Variants in PPARGC1A observed in about 807,000 individuals in gnomAD.
The protein encoded by PPARGC1A is peroxisome proliferator-activated receptor gamma coactivator 1-alpha.
PPARGC1A carries 25 observed loss-of-function variants against 88.7 expected under a neutral mutation model. The ratio of observed to expected loss-of-function variants is 0.28; its 90% CI spans 0.21 to 0.39. The LOEUF (loss-of-function observed/expected upper bound fraction) is 0.39, where lower values mean the gene tolerates loss of function less well. Ranked by LOEUF, PPARGC1A falls within the 10% of genes least tolerant of loss-of-function variation. The pLI is 1.00. For synonymous variants in PPARGC1A, 363 were observed against 355.6 expected (o/e 1.02, Z -0.24); for missense variants, 880 against 968.7 (o/e 0.91, Z 1.22).
the PPARGC1A span, among the ~76,000 whole-genome samples, chr4:24,225,712 T>C: frequency 6.6e-6 from 1 of 151,934 alleles, no homozygotes; most frequent in East Asian, 1.9e-4. Context: ...AAATGGAAAA[T>C]GGAGCTTCTA....
At chr4:23,895,870 T>C (rs1420394008) in intron 1 of PPARGC1A, among the ~76,000 whole-genome samples, 2 of 151,904 alleles carry the variant, frequency 1.3e-5, no homozygotes, top group Non-Finnish European at 2.9e-5. Context: ...ATTATTTGCA[T>C]TATTGAAAAC....
the PPARGC1A span, among the ~76,000 whole-genome samples, chr4:24,459,511 C>T: frequency 6.6e-6 from 1 of 151,482 alleles, no homozygotes; most frequent in Admixed American, 6.6e-5. Flanking sequence ...AAAAACTGGG[C>T]CAGGTGCAGT....
At chr4:24,409,765 T>C in the PPARGC1A span, among the ~76,000 whole-genome samples, 1 of 152,130 alleles carries the variant, frequency 6.6e-6, no homozygotes, top group African/African-American at 2.4e-5. Flanking sequence ...TGAGAAGATA[T>C]TTGCTCACCA....
chr4:24,387,793 A>G, the PPARGC1A span, among the ~76,000 whole-genome samples: 3 of 110,016 alleles, frequency 2.7e-5, no homozygotes, highest in Non-Finnish European at 4.1e-5. Context: ...AGAAAGAAAG[A>G]AAGAAAGAAA....
At chr4:23,812,372 C>T (rs1464729754) in intron 10 of PPARGC1A, among the ~76,000 whole-genome samples, 1 of 152,070 alleles carries the variant, frequency 6.6e-6, no homozygotes, top group African/African-American at 2.4e-5. Flanking sequence ...GATAGCAATC[C>T]CTCCTCATTT....
At chr4:23,932,282 A>ACTAGTTCCTCGC in the PPARGC1A span, among the ~76,000 whole-genome samples, 1 of 151,090 alleles carries the variant, frequency 6.6e-6, no homozygotes, top group Non-Finnish European at 1.5e-5. Flanking sequence ...AGTGGGACTA[A>ACTAGTTCCTCGC]TTAGTTCCTC....
chr4:23,835,913 C>T (rs542277758), intron 2 of PPARGC1A, among the ~76,000 whole-genome samples: 1 of 152,204 alleles, frequency 6.6e-6, no homozygotes, highest in African/African-American at 2.4e-5. Flanking sequence ...ATTAATGTCA[C>T]TTCCCATTAT....
chr4:24,092,806 A>G, the PPARGC1A span, among the ~76,000 whole-genome samples: 1 of 152,188 alleles, frequency 6.6e-6, no homozygotes, highest in African/African-American at 2.4e-5. Context: ...TTCCAGATTA[A>G]ATATTGTTAG....
the PPARGC1A span, among the ~76,000 whole-genome samples, chr4:24,270,948 A>C: frequency 1.1e-3 from 170 of 152,328 alleles, 5 homozygotes; most frequent in Admixed American, 0.01. Context: ...TCAAATACAC[A>C]GTATAATCAT....
the PPARGC1A span, among the ~76,000 whole-genome samples, chr4:24,307,938 C>G: frequency 5.3e-5 from 8 of 152,174 alleles, no homozygotes; most frequent in Non-Finnish European, 8.8e-5. Flanking sequence ...GCCTAAACTC[C>G]TGCCTTTCCC....
At chr4:23,796,223 T>C (rs1216409401) in intron 12 of PPARGC1A, among the ~76,000 whole-genome samples, 2 of 152,064 alleles carry the variant, frequency 1.3e-5, no homozygotes, top group Non-Finnish European at 2.9e-5. Context: ...ACACGTCAAA[T>C]GACTTGCCCA....
chr4:23,953,466 CA>C, the PPARGC1A span, among the ~76,000 whole-genome samples: 1 of 152,040 alleles, frequency 6.6e-6, no homozygotes, highest in Non-Finnish European at 1.5e-5. Context: ...TTGGTTTAAC[CA>C]TACAGGATGC....
the PPARGC1A span, among the ~76,000 whole-genome samples, chr4:24,097,968 T>A: frequency 6.6e-6 from 1 of 152,232 alleles, no homozygotes; most frequent in African/African-American, 2.4e-5. Flanking sequence ...TTTGTCCCGG[T>A]CCTGTTATTG....
the PPARGC1A span, among the ~76,000 whole-genome samples, chr4:24,320,138 T>C: frequency 1.3e-5 from 2 of 152,232 alleles, no homozygotes; most frequent in African/African-American, 4.8e-5. Context: ...AATTTCTAAC[T>C]AGTAGATTTC....
chr4:24,093,457 C>T, the PPARGC1A span, among the ~76,000 whole-genome samples: 1 of 152,162 alleles, frequency 6.6e-6, no homozygotes, highest in African/African-American at 2.4e-5. Flanking sequence ...GTAAAACAGA[C>T]ACATGCAAAA....
chr4:24,058,158 C>CG, the PPARGC1A span, among the ~76,000 whole-genome samples: 1 of 152,170 alleles, frequency 6.6e-6, no homozygotes, highest in Admixed American at 6.5e-5. Flanking sequence ...GCCTGGGGGC[C>CG]GGCCCATCGC....
chr4:24,001,794 C>A, the PPARGC1A span, among the ~76,000 whole-genome samples: 1 of 152,108 alleles, frequency 6.6e-6, no homozygotes, highest in Admixed American at 6.5e-5. Flanking sequence ...TGTGACAACA[C>A]AAGGAAAGCT....
At chr4:24,446,591 ATTT>A in the PPARGC1A span, among the ~76,000 whole-genome samples, 15 of 134,864 alleles carry the variant, frequency 1.1e-4, no homozygotes, top group South Asian at 4.9e-4. Context: ...AAAACACTGA[ATTT>A]TTTTTTTTTT....
the PPARGC1A span, among the ~76,000 whole-genome samples, chr4:24,414,405 C>T: frequency 6.6e-6 from 1 of 152,156 alleles, no homozygotes. Context: ...TGTCCAGCCA[C>T]CTGATAGATA....
Sources: gnomAD v4.1 joint callset for allele counts (sites outside exome capture counted in the v4.1 genomes callset) on GRCh38, gnomAD v4.1.1 for gene constraint, MANE v1.5 for transcripts, NCBI Gene and HGNC (gene_info 2026-07-23, HGNC 2026-07-21) for gene names.